NTAN1: variants seen among roughly 807,000 people sequenced by gnomAD.
NTAN1 encodes the protein N-terminal asparagine amidase, also known as protein N-terminal asparagine amidohydrolase.
Under a neutral mutation model 41.9 loss-of-function variants are expected in NTAN1, and 32 were observed. The ratio of observed to expected loss-of-function variants is 0.76; its 90% confidence interval spans 0.58 to 1.03. The LOEUF (loss-of-function observed/expected upper bound fraction) is 1.03, where lower values mean the gene tolerates loss of function less well. NTAN1 is among the 50% of genes least tolerant of loss of function. The probability of loss-of-function intolerance (pLI) is 0.00; values close to 1 mark genes in which losing one functional copy is unlikely to be tolerated. For missense variants in NTAN1, 377 were observed against 377.5 expected (o/e 1.00, Z 0.01); for synonymous variants, 140 against 139.5 (o/e 1.00, Z -0.03).
chr16:15,045,295 C>G (rs1315577951), intron 4 of NTAN1: 2 of 151,074 alleles, frequency 1.3e-5, no homozygotes, highest in Non-Finnish European at 2.9e-5. Flanking sequence ...AAGACTCCGT[C>G]TCAGGGGGAA....
chr16:15,051,749 G>A (rs1170516594), intron 1 of NTAN1, among the ~76,000 whole-genome samples: 6 of 132,028 alleles, frequency 4.5e-5, no homozygotes, highest in Non-Finnish European at 1.6e-5. Flanking sequence ...TGCCCAGGCT[G>A]AAGTGCTGTG....
chr16:15,041,618 CT>C lies in NTAN1; in HGVS notation c.487+4del. 1 of 1,606,202 alleles carries C rather than the reference CT, an allele frequency of 6.2e-7. No individual in the cohort carries two copies. The highest frequency in any genetic ancestry group is 1.1e-5 in the South Asian group (1 of 90,934). Reference sequence around the variant, plus strand: ...CTTTGCTTTGGGGCAAATGGCAGGACTTACCTGTCACACATAATGTCACTAA... The same window carrying C: ...CTTTGCTTTGGGGCAAATGGCAGGACTACCTGTCACACATAATGTCACTAA... On this transcript the variant is annotated splice_donor_region_variant and intron_variant, in intron 6 of 9. Coordinates refer to ENST00000287706, the MANE Select transcript of NTAN1 (RefSeq NM_173474.4).
At chr16:15,050,914 G>A (rs766115862) in intron 1 of NTAN1, among the ~76,000 whole-genome samples, 5 of 152,224 alleles carry the variant, frequency 3.3e-5, no homozygotes, top group Non-Finnish European at 7.3e-5. Flanking sequence ...GAACTGCAGT[G>A]TAAAATTAGA....
chr16:15,037,904 TTGAAAGACAC>T lies in NTAN1; in HGVS notation c.*117_*126del. The stretch of plus-strand genomic sequence containing the variant: ...TTGAAAGTCATTTGATGAAAGTCAT[TTGAAAGACAC>T]TGAGGAGGGAAGGAGGCCTAAGACC... On this transcript the variant is annotated 3_prime_UTR_variant, in exon 10 of 10. Coordinates refer to ENST00000287706, the MANE Select transcript of NTAN1 (RefSeq NM_173474.4). 1 of 599,020 alleles carries T rather than the reference TTGAAAGACAC, an allele frequency of 1.7e-6. No homozygotes were observed. The highest frequency in any genetic ancestry group is 2.9e-5 in the Admixed American group (1 of 34,600). 37.1% of individuals were successfully genotyped at this position (599,020 alleles called of 1,614,324 possible).
intron 9 of NTAN1, 56 bp from the exon 10 acceptor site, chr16:15,038,266 G>A: frequency 8.2e-7 from 1 of 1,213,208 alleles, no homozygotes; most frequent in Non-Finnish European, 1.2e-6. Flanking sequence ...CCCCTGCTGT[G>A]ATAAAGATGT....
In NTAN1 at chr16:15,041,643, A is replaced by G; in HGVS notation, c.467T>C (p.Leu156Ser). The G allele has an allele frequency of 6.2e-7, 1 of 1,611,654 alleles. No homozygotes were observed. Among genetic ancestry groups the G allele is most frequent in the Non-Finnish European group, 8.5e-7 (1 of 1,177,694 alleles). ...EFDRQEDDIHLVTLCVTELND... is the reference protein window; with the variant it reads ...EFDRQEDDIHSVTLCVTELND... ...CTTACCTGTCACACATAATGTCACT[A>G]AGTGAATGTCATCTTCTTGCCTGTC... The change falls in exon 6 of 10, where the codon TTA becomes TCA. Residue 156 changes from leucine (L) to serine (S), a missense_variant. Physicochemically the swap from Leu to Ser is moderately radical, Grantham distance 145 (BLOSUM62 -2). Transcript: ENST00000287706.
rs1320515926 is a variant in NTAN1 at position 15,056,006 on chromosome 16, C to G, written c.-35G>C. On this transcript the variant is annotated 5_prime_UTR_variant, in exon 1 of 10. Coordinates refer to ENST00000287706, the MANE Select transcript of NTAN1 (RefSeq NM_173474.4). ...GGCCGCCCAGGCAGGCCCAGGGAGG[C>G]GGCGGCCCCCCGCTTTGCAGCCCCG... 3.5e-6 allele frequency: 4 copies of G among 1,139,674 alleles called. No individual in the cohort carries two copies. The highest frequency in any genetic ancestry group is 4.4e-6 in the Non-Finnish European group (4 of 915,964). 70.6% of individuals were successfully genotyped at this position (1,139,674 alleles called of 1,614,324 possible). A position where few individuals can be genotyped will look rare whatever the true frequency, so the allele number is the denominator to read the frequency against.
At chr16:15,042,881 C>T (rs191503115) in intron 5 of NTAN1, among the ~76,000 whole-genome samples, 6 of 151,020 alleles carry the variant, frequency 4.0e-5, no homozygotes, top group South Asian at 4.2e-4. Flanking sequence ...TACAGGCGTG[C>T]GCCACCATGC....
At chr16:15,047,383 G>A (rs1309133245) in intron 4 of NTAN1, 59 bp downstream of exon 4, 24 of 1,109,262 alleles carry the variant, frequency 2.2e-5, no homozygotes, top group Admixed American at 6.8e-5. Flanking sequence ...CCACAGCCAC[G>A]TCCTGTATGC....
In NTAN1 at chr16:15,037,887, CATTTGATGAAAGTCATTTGAA is replaced by C; in HGVS notation, c.*123_*143del. On this transcript the variant is annotated 3_prime_UTR_variant, in exon 10 of 10. Transcript: ENST00000287706. ...CAAAATAAGGTTTTATTTTGAAAGT[CATTTGATGAAAGTCATTTGAA>C]AGACACTGAGGAGGGAAGGAGGCCT... is the stretch of plus-strand genomic sequence containing the variant. 1.8e-6 allele frequency: 1 copy of C among 563,820 alleles called. No homozygotes were observed. The highest frequency in any genetic ancestry group is 1.9e-5 in the African/African-American group (1 of 53,142). The allele number at this position is 563,820 out of a possible 1,614,324, so 34.9% of individuals were successfully genotyped here. A position where few individuals can be genotyped will look rare whatever the true frequency, so the allele number is the denominator to read the frequency against.
At chr16:15,052,340 T>G (rs1421468923) in intron 1 of NTAN1, among the ~76,000 whole-genome samples, 1 of 152,238 alleles carries the variant, frequency 6.6e-6, no homozygotes, top group Non-Finnish European at 1.5e-5. Flanking sequence ...TAAAGACCAT[T>G]CTTGGCCTAT....
intron 8 of NTAN1, among the ~76,000 whole-genome samples, chr16:15,039,265 C>A (rs1294189878): frequency 6.6e-6 from 1 of 152,190 alleles, no homozygotes; most frequent in African/African-American, 2.4e-5. Flanking sequence ...AGGCCTGTTA[C>A]ACTCCTTGAG....
intron 5 of NTAN1, among the ~76,000 whole-genome samples, chr16:15,043,182 G>A (rs1380302280): frequency 1.3e-5 from 2 of 152,106 alleles, no homozygotes; most frequent in African/African-American, 2.4e-5. Flanking sequence ...TTACAGGCAT[G>A]AGCCACCGCA....
intron 8 of NTAN1, among the ~76,000 whole-genome samples, chr16:15,039,643 G>A (rs987987883): frequency 6.6e-6 from 1 of 152,140 alleles, no homozygotes; most frequent in Admixed American, 6.5e-5. Flanking sequence ...TCTCTCCTGC[G>A]TCCCAGTTCT....
rs1301610817 is a variant in NTAN1 at position 15,037,871 on chromosome 16, G to A, written c.*160C>T. The A allele has an allele frequency of 9.2e-6, 5 of 544,362 alleles. No individual in the cohort carries two copies. The highest frequency in any genetic ancestry group is 7.6e-5 in the African/African-American group (4 of 52,516). The allele number at this position is 544,362 out of a possible 1,614,324, so 33.7% of individuals were successfully genotyped here. ...CAACAAATGCCTTTGCCAAAATAAG[G>A]TTTTATTTTGAAAGTCATTTGATGA... On this transcript the variant is annotated 3_prime_UTR_variant, in exon 10 of 10. Transcript: ENST00000287706.
rs748124658 is a variant in NTAN1 at position 15,038,110 on chromosome 16, A to T, written c.854T>A (p.Leu285Gln). ...GAGTAGGGCTTTATTTCCAGAAAAC[A>T]GTGTGTGAGCTGGAGATGGGTGTTT... ...LKKHPSPAHT[L>Q]FSGNKALLYK... Residue 285 changes from leucine (L) to glutamine (Q), a missense_variant, in exon 10 of 10, where the codon CTG becomes CAG. Leu to Gln is a moderately radical substitution (Grantham distance 113). Coordinates refer to ENST00000287706, the MANE Select transcript of NTAN1 (RefSeq NM_173474.4). 62 of 1,612,294 alleles carry T rather than the reference A, an allele frequency of 3.8e-5. No individual in the cohort carries two copies. The highest frequency in any genetic ancestry group is 2.7e-4 in the African/African-American group (20 of 74,988).
intron 5 of NTAN1, 120 bp downstream of exon 5, chr16:15,044,200 CAGTCTGTTTCTCTG>C: frequency 1.6e-6 from 1 of 637,976 alleles, no homozygotes; most frequent in South Asian, 1.8e-5. Flanking sequence ...CCAAGCTGGG[CAGTCTGTTTCTCTG>C]TGCTGCTCCA....
In NTAN1 at chr16:15,041,613, C is replaced by A; in HGVS notation, c.487+10G>T. 6.2e-7 allele frequency: 1 copy of A among 1,602,994 alleles called. No individual in the cohort carries two copies. Among genetic ancestry groups the A allele is most frequent in the Non-Finnish European group, 8.5e-7 (1 of 1,169,830 alleles). On this transcript the variant is annotated intron_variant, in intron 6 of 9. Coordinates refer to ENST00000287706, the MANE Select transcript of NTAN1 (RefSeq NM_173474.4). The stretch of plus-strand genomic sequence containing the variant: ...CACATCTTTGCTTTGGGGCAAATGG[C>A]AGGACTTACCTGTCACACATAATGT...
At chr16:15,043,429 C>G (rs940992616) in intron 5 of NTAN1, among the ~76,000 whole-genome samples, 2 of 152,198 alleles carry the variant, frequency 1.3e-5, no homozygotes, top group African/African-American at 4.8e-5. Flanking sequence ...CTAGTCACAG[C>G]TACTTGGGAG....
Sources: allele counts gnomAD v4.1 joint callset (sites outside exome capture counted in the v4.1 genomes callset), GRCh38; gene constraint gnomAD v4.1.1; transcripts MANE v1.5; gene names NCBI Gene and HGNC (gene_info 2026-07-23, HGNC 2026-07-21).